The following SLC36A1 variants were observed in gnomAD, a reference collection of about 807,000 sequenced individuals.
SLC36A1 encodes the protein proton-coupled amino acid transporter 1.
Under a neutral mutation model 47.5 loss-of-function variants are expected in SLC36A1, and 30 were observed. The ratio of observed to expected loss-of-function variants is 0.63; its 90% CI spans 0.47 to 0.86. SLC36A1 has a LOEUF of 0.86. SLC36A1 is among the 40% of genes least tolerant of loss of function. The pLI is 0.00. For synonymous variants in SLC36A1, 255 were observed against 249.7 expected (o/e 1.02, Z -0.20); for missense variants, 517 against 606.0 (o/e 0.85, Z 1.54).
the SLC36A1 span, among the ~76,000 whole-genome samples, chr5:151,353,509 C>G: frequency 2.0e-5 from 3 of 152,184 alleles, no homozygotes; most frequent in African/African-American, 7.2e-5. Context: ...GCATCCCCTA[C>G]TATTGACATC....
At chr5:151,359,398 T>A in the SLC36A1 span, among the ~76,000 whole-genome samples, 1 of 152,222 alleles carries the variant, frequency 6.6e-6, no homozygotes, top group Non-Finnish European at 1.5e-5. Context: ...GGAGGCATAT[T>A]TTTTCTTCTC....
the SLC36A1 span, among the ~76,000 whole-genome samples, chr5:151,422,785 AC>A: frequency 6.6e-6 from 1 of 152,130 alleles, no homozygotes; most frequent in Admixed American, 6.5e-5. Context: ...TACTAAAAAT[AC>A]AAAAAGTAGC....
upstream of SLC36A1, among the ~76,000 whole-genome samples, chr5:151,435,487 A>G (rs1759714734): frequency 3.3e-5 from 5 of 152,312 alleles, no homozygotes; most frequent in South Asian, 1.0e-3. Flanking sequence ...GATTCTAATA[A>G]TAAAGTATTA....
the SLC36A1 span, chr5:151,553,263 G>A: frequency 1.1e-5 from 18 of 1,614,262 alleles, no homozygotes; most frequent in Admixed American, 1.2e-4. Context: ...CTCCATGACC[G>A]TAAAGCTGTA....
chr5:151,393,119 G>C, the SLC36A1 span, among the ~76,000 whole-genome samples: 3 of 151,398 alleles, frequency 2.0e-5, no homozygotes, highest in African/African-American at 7.3e-5. Flanking sequence ...AGGATAGTTA[G>C]CTCTTCTTGT....
the SLC36A1 span, among the ~76,000 whole-genome samples, chr5:151,358,658 A>G: frequency 5.3e-5 from 8 of 152,038 alleles, no homozygotes; most frequent in African/African-American, 1.7e-4. Context: ...GGGCACGACA[A>G]CCGCCTGGGA....
chr5:151,518,459 A>G, the SLC36A1 span, among the ~76,000 whole-genome samples: 4 of 151,876 alleles, frequency 2.6e-5, no homozygotes, highest in Non-Finnish European at 1.5e-5. Flanking sequence ...CATAGTTTCC[A>G]TGTTATTTCT....
chr5:151,515,219 T>C, the SLC36A1 span, among the ~76,000 whole-genome samples: 1 of 152,308 alleles, frequency 6.6e-6, no homozygotes, highest in South Asian at 2.1e-4. Context: ...GCTTCCTGCA[T>C]ACAATACTCC....
intron 8 of SLC36A1, among the ~76,000 whole-genome samples, chr5:151,474,176 A>G (rs112555698): frequency 2.9e-5 from 3 of 101,812 alleles, no homozygotes; most frequent in Admixed American, 1.7e-4. Flanking sequence ...AAAAAAAAAA[A>G]AAAGAAATTA....
At chr5:151,345,008 C>T in the SLC36A1 span, among the ~76,000 whole-genome samples, 1 of 152,128 alleles carries the variant, frequency 6.6e-6, no homozygotes, top group African/African-American at 2.4e-5. Flanking sequence ...CTGGAGAGTG[C>T]ACACCTCCCC....
At chr5:151,423,753 A>C in the SLC36A1 span, among the ~76,000 whole-genome samples, 6 of 152,346 alleles carry the variant, frequency 3.9e-5, no homozygotes, top group Non-Finnish European at 5.9e-5. Flanking sequence ...AGAATGTGCA[A>C]CACCAAAAGT....
At chr5:151,542,457 G>T in the SLC36A1 span, 1 of 1,614,146 alleles carries the variant, frequency 6.2e-7, no homozygotes, top group East Asian at 2.2e-5. Context: ...CCTGAACCAG[G>T]GCCTGAGAGG....
At chr5:151,521,268 G>C in the SLC36A1 span, 1 of 1,598,802 alleles carries the variant, frequency 6.3e-7, no homozygotes, top group South Asian at 1.1e-5. Context: ...GGAAGATGTA[G>C]TACTTACCAT....
At chr5:151,505,706 G>A in the SLC36A1 span, 5 of 1,613,870 alleles carry the variant, frequency 3.1e-6, no homozygotes, top group Middle Eastern at 1.6e-4. Flanking sequence ...GCCCAGCTCG[G>A]CTGAGGCGCA....
the SLC36A1 span, among the ~76,000 whole-genome samples, chr5:151,522,606 T>C: frequency 2.0e-5 from 3 of 152,078 alleles, no homozygotes; most frequent in Admixed American, 2.0e-4. Flanking sequence ...AAAGAGACAA[T>C]AAATAAGTTA....
At chr5:151,399,683 G>T in the SLC36A1 span, among the ~76,000 whole-genome samples, 2 of 152,274 alleles carry the variant, frequency 1.3e-5, no homozygotes, top group Admixed American at 1.3e-4. Context: ...AGGGTGACTT[G>T]TTGGCAGGGA....
At chr5:151,510,267 C>T in the SLC36A1 span, 2 of 1,393,644 alleles carry the variant, frequency 1.4e-6, no homozygotes, top group Non-Finnish European at 2.0e-6. Context: ...TGCAGCCGTT[C>T]AGTTACCATT....
chr5:151,347,385 T>C, the SLC36A1 span: 358 of 1,614,234 alleles, frequency 2.2e-4, 1 homozygote, highest in African/African-American at 3.7e-3. Context: ...TTCTTGGCAC[T>C]TTCAGGAGGC....
chr5:151,361,004 G>A, the SLC36A1 span, among the ~76,000 whole-genome samples: 1 of 152,116 alleles, frequency 6.6e-6, no homozygotes, highest in Non-Finnish European at 1.5e-5. Context: ...TATTAGGTTG[G>A]TGCAAAAGTA....
Sources: allele counts gnomAD v4.1 joint callset (sites outside exome capture counted in the v4.1 genomes callset), GRCh38; gene constraint gnomAD v4.1.1; transcripts MANE v1.5; gene names NCBI Gene and HGNC (gene_info 2026-07-23, HGNC 2026-07-21).